The following SORBS2 variants were observed in gnomAD, a reference collection of about 807,000 sequenced individuals.
SORBS2 encodes the protein sorbin and SH3 domain containing 2.
In SORBS2, 46 loss-of-function variants were observed where a neutral mutation model predicts 97.7. The ratio of observed to expected loss-of-function variants is 0.47; its 90% confidence interval spans 0.37 to 0.60. The LOEUF is 0.60. SORBS2 is among the 20% of genes least tolerant of loss of function. The probability of loss-of-function intolerance (pLI) is 0.00; values close to 1 mark genes in which losing one functional copy is unlikely to be tolerated. For synonymous variants in SORBS2, 476 were observed against 473.4 expected (o/e 1.01, Z -0.07); for missense variants, 1,316 against 1,282.3 (o/e 1.03, Z -0.40).
At chr4:185,927,164 A>G (rs2099264121) in intron 1 of SORBS2, among the ~76,000 whole-genome samples, 1 of 148,846 alleles carries the variant, frequency 6.7e-6, no homozygotes, top group East Asian at 1.9e-4. Context: ...ATTTACATAC[A>G]TAAGGTATAC....
chr4:185,877,042 G>A lies in SORBS2; in HGVS notation c.-338+79154C>T, dbSNP rs534174040. The stretch of plus-strand genomic sequence containing the variant: ...TTTCTCTTGGATGATGAGGCCATAA[G>A]TCAGAGATCTGCTTCAATAAAAGAA... On this transcript the variant is annotated intron_variant, in intron 1 of 20. Transcript: ENST00000284776. Among the ~76,000 whole-genome samples the A allele has an allele frequency of 9.2e-5, 14 of 152,290 alleles. No homozygotes were observed. The South Asian group carries it at 2.9e-3, about 32-fold the overall frequency.
At chr4:185,748,322 G>A (rs540127843) in intron 2 of SORBS2, among the ~76,000 whole-genome samples, 11 of 152,282 alleles carry the variant, frequency 7.2e-5, no homozygotes, top group African/African-American at 2.4e-4. Flanking sequence ...GGAGCCCCGC[G>A]TATTCTTCAG....
chr4:185,781,551 CAG>C (rs2099029438), intron 1 of SORBS2, among the ~76,000 whole-genome samples: 1 of 151,182 alleles, frequency 6.6e-6, no homozygotes, highest in Non-Finnish European at 1.5e-5. Flanking sequence ...CCATTGCCTC[CAG>C]CCTCTCCAGC....
At chr4:185,620,589 G>A (rs1029799162) in intron 7 of SORBS2, among the ~76,000 whole-genome samples, 2 of 152,166 alleles carry the variant, frequency 1.3e-5, no homozygotes, top group Non-Finnish European at 2.9e-5. Context: ...ATTTTGTGGA[G>A]TAATTTAAGA....
exon 15 of SORBS2, chr4:185,586,564 C>CTATT (rs1561236080): frequency 6.6e-6 from 1 of 152,628 alleles, no homozygotes; most frequent in East Asian, 1.9e-4. Flanking sequence ...CTTCTGTACT[C>CTATT]TATTTCTATA....
At chr4:185,852,993 C>A (rs1474387206) in intron 1 of SORBS2, among the ~76,000 whole-genome samples, 1 of 152,154 alleles carries the variant, frequency 6.6e-6, no homozygotes, top group Non-Finnish European at 1.5e-5. Context: ...GGTCACTACA[C>A]TTTAAATATA....
intron 12 of SORBS2, among the ~76,000 whole-genome samples, chr4:185,596,041 G>A (rs1244645615): frequency 6.6e-6 from 1 of 152,082 alleles, no homozygotes; most frequent in African/African-American, 2.4e-5. Context: ...AGCACCATTT[G>A]CAGTGCATAA....
rs1232369331 is a variant in SORBS2 at position 185,722,272 on chromosome 4, AC to A, written c.-197-43451del. On this transcript the variant is annotated intron_variant, in intron 2 of 20. Coordinates refer to the SORBS2 transcript ENST00000284776. ...AAATTTTGTTTAAAAAATATGAAAAACATCTGTGAAATTCTGGTAAGACAAA... is the reference window on the plus strand; with the variant it reads ...AAATTTTGTTTAAAAAATATGAAAAAATCTGTGAAATTCTGGTAAGACAAA... 2.6e-5 allele frequency among the ~76,000 whole-genome samples: 4 copies of A among 152,332 alleles called. No individual in the cohort carries two copies. The East Asian group carries it at 5.8e-4, about 22-fold the overall frequency.
chr4:185,949,034 T>G (rs1479361525), intron 1 of SORBS2, among the ~76,000 whole-genome samples: 1 of 148,110 alleles, frequency 6.8e-6, no homozygotes, highest in Non-Finnish European at 1.5e-5. Context: ...AAGAAACAGG[T>G]GCTCTTTATC....
At chr4:185,587,825 C>A in intron 14 of SORBS2, 137 bp from the exon 27 acceptor site, 1 of 677,310 alleles carries the variant, frequency 1.5e-6, no homozygotes, top group Non-Finnish European at 2.7e-6. Context: ...AGGCAACTCA[C>A]ATGAAGCCCA....
At chr4:185,661,371 T>G (rs2097517901), upstream of SORBS2, among the ~76,000 whole-genome samples, 1 of 152,172 alleles carries the variant, frequency 6.6e-6, no homozygotes, top group Admixed American at 6.5e-5. Context: ...CAGCAAAGCT[T>G]CTTTCACAGG....
At chr4:185,783,739 G>C (rs995041578) in intron 1 of SORBS2, among the ~76,000 whole-genome samples, 4 of 152,200 alleles carry the variant, frequency 2.6e-5, no homozygotes, top group Admixed American at 6.5e-5. Flanking sequence ...TTCAGGCAGA[G>C]AGGCAGGAAG....
chr4:185,614,832 T>G, exon 11 of SORBS2: 1 of 1,613,988 alleles, frequency 6.2e-7, no homozygotes, highest in Middle Eastern at 1.7e-4. Flanking sequence ...CTGGGCTACC[T>G]TTCTCAGTGA....
At chr4:185,944,838 C>T (rs1405203947) in intron 1 of SORBS2, among the ~76,000 whole-genome samples, 1 of 152,182 alleles carries the variant, frequency 6.6e-6, no homozygotes, top group Non-Finnish European at 1.5e-5. Flanking sequence ...TCTGCAATCC[C>T]ATGGCACAGG....
intron 1 of SORBS2, among the ~76,000 whole-genome samples, chr4:185,934,551 A>G (rs930093680): frequency 1.3e-5 from 2 of 152,126 alleles, no homozygotes; most frequent in African/African-American, 2.4e-5. Context: ...ACCTGAGGTC[A>G]GGAGTTCGAC....
chr4:185,657,244 C>T (rs929711062), upstream of SORBS2: 1 of 497,314 alleles, frequency 2.0e-6, no homozygotes, highest in African/African-American at 2.0e-5. Context: ...TTGTGTAATT[C>T]TCTCCCATCA....
chr4:185,717,725 C>T (rs763119302), intron 2 of SORBS2, among the ~76,000 whole-genome samples: 3 of 152,180 alleles, frequency 2.0e-5, no homozygotes, highest in African/African-American at 7.2e-5. Context: ...ACACTATCTC[C>T]TGTATATGCA....
chr4:185,690,514 T>A, intron 2 of SORBS2, 48 bp downstream of exon 4: 1 of 1,355,414 alleles, frequency 7.4e-7, no homozygotes, highest in Non-Finnish European at 1.0e-6. Flanking sequence ...GCCAACATGA[T>A]TTTTAGAGAG....
chr4:185,654,477 G>GT (rs201764704), intron 1 of SORBS2, among the ~76,000 whole-genome samples: 2 of 151,600 alleles, frequency 1.3e-5, no homozygotes, highest in Admixed American at 6.6e-5. Context: ...TGACAGACAG[G>GT]TTTTTTTTTC....
Sources: gnomAD v4.1 joint callset for allele counts (sites outside exome capture counted in the v4.1 genomes callset) on GRCh38, gnomAD v4.1.1 for gene constraint, MANE v1.5 for transcripts, NCBI Gene and HGNC (gene_info 2026-07-23, HGNC 2026-07-21) for gene names.